The following EHMT2 variants were observed in gnomAD, a reference collection of about 807,000 sequenced individuals.
EHMT2 encodes histone-lysine N-methyltransferase EHMT2.
EHMT2 carries 59 observed loss-of-function variants against 143.3 expected under a neutral mutation model. The observed-to-expected ratio is 0.41, with a 90% confidence interval of 0.33 to 0.51. EHMT2 has a LOEUF of 0.51. EHMT2 is among the 20% of genes least tolerant of loss of function. The pLI, the probability that EHMT2 is intolerant of heterozygous loss-of-function variation, is 0.18. For missense variants in EHMT2, 1,174 were observed against 1,645.9 expected, an observed-to-expected ratio of 0.71 and a Z score of 4.96; for synonymous variants, 604 against 651.5, an observed-to-expected ratio of 0.93 and a Z score of 1.11.
At chr6:31,887,956 C>T (rs1362527213) in exon 14 of EHMT2, 1 of 1,591,676 alleles carries the variant, frequency 6.3e-7, no homozygotes, top group Non-Finnish European at 8.6e-7. Flanking sequence ...CCCTCGCATC[C>T]GGGCACTGTG....
intron 1 of EHMT2, 42 bp downstream of exon 1, chr6:31,897,594 G>A: frequency 2.0e-5 from 22 of 1,127,208 alleles, no homozygotes; most frequent in East Asian, 4.6e-5. Context: ...CCCCGGGCGC[G>A]CGCGCGGGCA....
chr6:31,887,584 C>T (rs1765041197), exon 15 of EHMT2: 1 of 1,612,900 alleles, frequency 6.2e-7, no homozygotes, highest in Non-Finnish European at 8.5e-7. Context: ...CACACAGCAT[C>T]AGGATCACCT....
intron 7 of EHMT2, among the ~76,000 whole-genome samples, chr6:31,892,170 A>G (rs612496): frequency 0.077 from 11,666 of 152,226 alleles, 510 homozygotes; most frequent in South Asian, 0.11. Context: ...TTAACCCTGG[A>G]GACAGAGGTT....
chr6:31,892,687 T>C lies in EHMT2; in HGVS notation c.708+7A>G, dbSNP rs773304756. 2 of 1,613,144 alleles carry C rather than the reference T, an allele frequency of 1.2e-6. No individual in the cohort carries two copies. Among genetic ancestry groups the C allele is most frequent in the South Asian group, 1.1e-5 (1 of 91,088 alleles). ...CGAGGGGTAGAGGCTCTGCCTCTGC[T>C]GCTTACCAGGCCACCTCCTGAGTTC... On this transcript the variant is annotated splice_region_variant and intron_variant, in intron 6 of 27. Transcript: ENST00000375537.
At position 31,883,445 on chromosome 6, in the gene EHMT2, G is replaced by C; in HGVS notation, c.2917-6C>G. 6.2e-7 allele frequency: 1 copy of C among 1,611,570 alleles called. No individual in the cohort carries two copies. Among genetic ancestry groups the C allele is most frequent in the Non-Finnish European group, 8.5e-7 (1 of 1,179,328 alleles). ...TCGTCCACACACGTGCAGTGCTGGG[G>C]CGAGGAGGCAGAGGTCAGCTCAACC... On this transcript the variant is annotated splice_polypyrimidine_tract_variant and splice_region_variant and intron_variant, in intron 22 of 27. Transcript: ENST00000375537. This position sits in a 1 kb window ranked among gnomAD's most constrained non-coding sequence, Gnocchi z 5.6.
At chr6:31,882,540 G>T in intron 25 of EHMT2, 159 bp downstream of exon 25, 2 of 729,386 alleles carry the variant, frequency 2.7e-6, no homozygotes, top group Non-Finnish European at 4.7e-6. Flanking sequence ...GCGGCTGGCT[G>T]CTCAGCTGCA....
rs919951173 is a variant in EHMT2, at chr6:31,883,200, T to C, written c.2994+162A>G. The C allele has an allele frequency of 2.3e-6, 2 of 885,024 alleles. No individual in the cohort carries two copies. The highest frequency in any genetic ancestry group is 3.6e-6 in the Non-Finnish European group (2 of 561,348). 54.8% of individuals were successfully genotyped at this position (885,024 alleles called of 1,614,324 possible). On this transcript the variant is annotated intron_variant, in intron 23 of 27. Transcript: ENST00000375537. This position sits in a 1 kb window ranked among gnomAD's most constrained non-coding sequence, Gnocchi z 5.6. ...AGACCTGGGCACACGCCCATCGCTG[T>C]CCCAGCCACATCCCAGGATTCCCAG...
In EHMT2 at chr6:31,883,445, G is replaced by A. The variant is rs1328080990; in HGVS notation, c.2917-6C>T. 6.2e-7 allele frequency: 1 copy of A among 1,611,452 alleles called. No homozygotes were observed. Among genetic ancestry groups the A allele is most frequent in the Non-Finnish European group, 8.5e-7 (1 of 1,179,336 alleles). On this transcript the variant is annotated splice_polypyrimidine_tract_variant and splice_region_variant and intron_variant, in intron 22 of 27. Coordinates refer to ENST00000375537, the Ensembl canonical transcript of EHMT2. The surrounding 1 kb of genome is among the most constrained non-coding windows in gnomAD (Gnocchi z 5.6). Reference sequence around the variant, plus strand: ...TCGTCCACACACGTGCAGTGCTGGGGCGAGGAGGCAGAGGTCAGCTCAACC... The same window carrying A: ...TCGTCCACACACGTGCAGTGCTGGGACGAGGAGGCAGAGGTCAGCTCAACC...
chr6:31,896,439 C>T, exon 4 of EHMT2: 4 of 1,613,072 alleles, frequency 2.5e-6, no homozygotes, highest in South Asian at 1.1e-5. Context: ...TTTCCCGCCC[C>T]TGTCATTGAC....
rs1032930732 is a variant in EHMT2, at chr6:31,895,056, A to T, written c.582+1207T>A. Among the ~76,000 whole-genome samples the T allele has an allele frequency of 2.6e-5, 4 of 152,222 alleles. No homozygotes were observed. In the South Asian group the frequency reaches 8.3e-4, roughly 32 times the overall value. On this transcript the variant is annotated intron_variant, in intron 4 of 27. Coordinates refer to ENST00000375537, the Ensembl canonical transcript of EHMT2. ...CCTATTCTTTACAAAATGAATTGCAACTATAAAAATTAATGTTTATCATAG... is the reference window on the plus strand; with the variant it reads ...CCTATTCTTTACAAAATGAATTGCATCTATAAAAATTAATGTTTATCATAG...
exon 25 of EHMT2, chr6:31,882,776 T>C (rs1764280666): frequency 1.2e-6 from 2 of 1,612,434 alleles, no homozygotes; most frequent in African/African-American, 1.3e-5. Flanking sequence ...GGTAGAGCTG[T>C]AGCCGCACCC....
In EHMT2 at chr6:31,883,826, G is replaced by C; in HGVS notation, c.2896C>G (p.Arg966Gly). Residue 966 changes from arginine (R) to glycine (G), a missense_variant, in exon 22 of 28, where the codon CGC (arginine) becomes GGC (glycine). Transcript: ENST00000375537. This position sits in a 1 kb window ranked among gnomAD's most constrained non-coding sequence, Gnocchi z 5.6. ...CTCACCTGCAGGTGGGTGATGTTGC[G>C]ATCGATGTTCATGGTGGACGTCTCG... The C allele has an allele frequency of 6.2e-7, 1 of 1,613,942 alleles. No individual in the cohort carries two copies. The highest frequency in any genetic ancestry group is 1.3e-5 in the African/African-American group (1 of 75,002).
At position 31,888,912 on chromosome 6, in the gene EHMT2, C is replaced by T; in HGVS notation, c.1216+57G>A. ...TGGCGTGGTTCCCCTCCTTCCCTTT[C>T]CCTCCTGCCCTGAGGTCGCCCCCTA... On this transcript the variant is annotated intron_variant, in intron 10 of 27. Transcript: ENST00000375537. This position sits in a 1 kb window ranked among gnomAD's most constrained non-coding sequence, Gnocchi z 7.4. 3.9e-6 allele frequency: 6 copies of T among 1,525,152 alleles called. No individual in the cohort carries two copies. The highest frequency in any genetic ancestry group is 5.3e-6 in the Non-Finnish European group (6 of 1,123,542). 94.5% of individuals were successfully genotyped at this position (1,525,152 alleles called of 1,614,324 possible). A position where few individuals can be genotyped will look rare whatever the true frequency, so the allele number is the denominator to read the frequency against.
rs539088118 is a variant in EHMT2, at chr6:31,892,811, G to A, written c.667+15C>T. 2.5e-6 allele frequency: 4 copies of A among 1,612,032 alleles called. No homozygotes were observed. Among genetic ancestry groups the A allele is most frequent in the Non-Finnish European group, 2.5e-6 (3 of 1,179,266 alleles). On this transcript the variant is annotated intron_variant, in intron 5 of 27. Transcript: ENST00000375537. The stretch of plus-strand genomic sequence containing the variant: ...AGACCACATCAAGCCACCGGGGGTG[G>A]GGGATGGGACTGACCTGAGGTCACC...
Position 31,883,473 on chromosome 6 carries a change from A to G in EHMT2, c.2917-34T>C. 4 of 1,598,070 alleles carry G rather than the reference A, an allele frequency of 2.5e-6. No homozygotes were observed. Among genetic ancestry groups the G allele is most frequent in the Non-Finnish European group, 3.4e-6 (4 of 1,171,830 alleles). On this transcript the variant is annotated intron_variant, in intron 22 of 27. Transcript: ENST00000375537. This position sits in a 1 kb window ranked among gnomAD's most constrained non-coding sequence, Gnocchi z 5.6. ...AGGAGGCAGAGGTCAGCTCAACCCC[A>G]TGATCGGTCTGGGCCCCTCTACTCT...
chr6:31,880,687 A>C lies in EHMT2; in HGVS notation c.3438T>G (p.Thr1146=), dbSNP rs1197445263. The change falls in exon 27 of 28, where the codon ACT becomes ACG. Residue 1146 remains threonine (T), a synonymous_variant. Transcript: ENST00000375537. The surrounding 1 kb of genome is among the most constrained non-coding windows in gnomAD (Gnocchi z 6.6). Reference sequence around the variant, plus strand: ...TAGAGTCTCACCCTAGCTCCTCCCCAGTCCGGATGTCTCGGGAACTGAAGA... The same window carrying C: ...TAGAGTCTCACCCTAGCTCCTCCCCCGTCCGGATGTCTCGGGAACTGAAGA... 2.5e-6 allele frequency: 4 copies of C among 1,613,642 alleles called. No homozygotes were observed. Among genetic ancestry groups the C allele is most frequent in the Admixed American group, 1.7e-5 (1 of 59,976 alleles).
Position 31,884,258 on chromosome 6 carries a change from G to A in EHMT2, c.2771+134C>T. On this transcript the variant is annotated intron_variant, in intron 21 of 27. Transcript: ENST00000375537. The surrounding 1 kb of genome is among the most constrained non-coding windows in gnomAD (Gnocchi z 7.3). ...ATCTGGCAACCCTAGTGGGGAGGGG[G>A]CCTGTGGGTGGTTCTGGGGATTCAG... 1 of 1,044,066 alleles carries A rather than the reference G, an allele frequency of 9.6e-7. No individual in the cohort carries two copies. Among genetic ancestry groups the A allele is most frequent in the Non-Finnish European group, 1.4e-6 (1 of 735,364 alleles). 64.7% of individuals were successfully genotyped at this position (1,044,066 alleles called of 1,614,324 possible).
At chr6:31,897,588 G>T in intron 1 of EHMT2, 48 bp downstream of exon 1, 2 of 1,116,824 alleles carry the variant, frequency 1.8e-6, no homozygotes, top group Non-Finnish European at 2.2e-6. Context: ...CGCTTCCCCC[G>T]GGCGCGCGCG....
rs751317118 is a variant in EHMT2 at position 31,896,699 on chromosome 6, C to T, written c.235G>A (p.Ala79Thr). 2 of 1,611,746 alleles carry T rather than the reference C, an allele frequency of 1.2e-6. No homozygotes were observed. The highest frequency in any genetic ancestry group is 1.7e-6 in the Non-Finnish European group (2 of 1,179,382). Residue 79 changes from alanine (A) to threonine (T), a missense_variant, in exon 3 of 28, where the codon GCT becomes ACT. Ala to Thr is a moderately conservative substitution (Grantham distance 58). Transcript: ENST00000375537. Reference sequence around the variant, plus strand: ...GGTGTAGCCCCTACAGGGGTGTCAGCCCCCTCATCACCAACAGTGACAGTG... The same window carrying T: ...GGTGTAGCCCCTACAGGGGTGTCAGTCCCCTCATCACCAACAGTGACAGTG...
Sources: gnomAD v4.1 joint callset for allele counts (sites outside exome capture counted in the v4.1 genomes callset) on GRCh38, gnomAD v4.1.1 for gene constraint, Gnocchi (gnomAD v3.1) non-coding constraint, MANE v1.5 for transcripts, NCBI Gene and HGNC (gene_info 2026-07-23, HGNC 2026-07-21) for gene names.